SCARA3: variants seen among roughly 807,000 people sequenced by gnomAD.
SCARA3 encodes the protein scavenger receptor class A member 3.
SCARA3 carries 39 observed loss-of-function variants against 47.0 expected under a neutral mutation model. The ratio of observed to expected loss-of-function variants is 0.83; its 90% CI spans 0.64 to 1.08. The LOEUF (loss-of-function observed/expected upper bound fraction) is 1.08. Among genes scored for constraint, SCARA3 ranks in the 50% least tolerant of loss-of-function variants. The probability of loss-of-function intolerance (pLI) is 0.00; values close to 1 mark genes in which losing one functional copy is unlikely to be tolerated. For missense variants in SCARA3, 724 were observed against 792.3 expected (o/e 0.91, Z 1.04); for synonymous variants, 356 against 334.1 (o/e 1.07, Z -0.71).
At chr8:27,636,338 G>A (rs971821485) in intron 1 of SCARA3, among the ~76,000 whole-genome samples, 1 of 152,188 alleles carries the variant, frequency 6.6e-6, no homozygotes, top group Admixed American at 6.5e-5. Flanking sequence ...TCCGGAGCCC[G>A]AGGAGGGAGG....
At chr8:27,635,032 A>G (rs182798352) in intron 1 of SCARA3, among the ~76,000 whole-genome samples, 19 of 152,276 alleles carry the variant, frequency 1.2e-4, no homozygotes, top group Admixed American at 1.2e-3. Flanking sequence ...ATCCTCCTGT[A>G]ACACCCCCAG....
the SCARA3 span, among the ~76,000 whole-genome samples, chr8:27,721,334 C>T: frequency 6.6e-6 from 1 of 152,180 alleles, no homozygotes; most frequent in Non-Finnish European, 1.5e-5. Context: ...TGAGTACCTA[C>T]TATGAACCGG....
the SCARA3 span, among the ~76,000 whole-genome samples, chr8:27,715,243 G>T: frequency 6.6e-6 from 1 of 151,924 alleles, no homozygotes; most frequent in South Asian, 2.1e-4. The surrounding 1 kb of genome is among the most constrained non-coding windows in gnomAD (Gnocchi z 4.2). Context: ...TTTATTGAAG[G>T]CTCTAAGTCC....
chr8:27,723,462 C>T, the SCARA3 span, among the ~76,000 whole-genome samples: 1 of 152,298 alleles, frequency 6.6e-6, no homozygotes. Context: ...CAATCTTTCC[C>T]CTTCATCCTT....
intron 1 of SCARA3, among the ~76,000 whole-genome samples, chr8:27,645,529 T>A (rs1436238165): frequency 6.6e-6 from 1 of 152,266 alleles, no homozygotes; most frequent in Non-Finnish European, 1.5e-5. Flanking sequence ...AAATGCGTGT[T>A]TGGATTCTGC....
chr8:27,637,011 C>T (rs1212989250), intron 1 of SCARA3, among the ~76,000 whole-genome samples: 1 of 152,354 alleles, frequency 6.6e-6, no homozygotes, highest in Non-Finnish European at 1.5e-5. Context: ...CACCAAACTT[C>T]GAATTACATC....
chr8:27,636,181 A>G (rs1801245413), intron 1 of SCARA3, among the ~76,000 whole-genome samples: 1 of 152,234 alleles, frequency 6.6e-6, no homozygotes, highest in African/African-American at 2.4e-5. Flanking sequence ...GCCTCCAGAA[A>G]GGTCTTGGAC....
chr8:27,659,235 T>C lies in SCARA3; in HGVS notation c.1065T>C (p.Ile355=). The change falls in exon 5 of 6, where the codon ATT becomes ATC. Residue 355 remains isoleucine (I), a synonymous_variant. Transcript: ENST00000301904. ...AAGGACGCATGGCTTCTCACGAGAT[T>C]GAAATTGGCACCATCTTCACCAACA... ...SLEGRMASHE[I]EIGTIFTNIN... 1 of 1,614,130 alleles carries C rather than the reference T, an allele frequency of 6.2e-7. No individual in the cohort carries two copies. The highest frequency in any genetic ancestry group is 8.5e-7 in the Non-Finnish European group (1 of 1,180,020).
the SCARA3 span, among the ~76,000 whole-genome samples, chr8:27,722,271 G>A: frequency 6.6e-6 from 1 of 151,968 alleles, no homozygotes; most frequent in Non-Finnish European, 1.5e-5. Flanking sequence ...TGCAAGTATT[G>A]TGCAAATGGA....
rs1380948708 is a variant in SCARA3, at chr8:27,672,151, C to G, written c.*800C>G. 1.0e-6 allele frequency: 1 copy of G among 985,368 alleles called. No homozygotes were observed. The highest frequency in any genetic ancestry group is 1.7e-5 in the African/African-American group (1 of 57,248). 61.0% of individuals were successfully genotyped at this position (985,368 alleles called of 1,614,324 possible). A position where few individuals can be genotyped will look rare whatever the true frequency, so the allele number is the denominator to read the frequency against. ...CGGGAGCTGTCCCTGTCTGTCACAGCACAGTGGGGCCACGAGGCTGACATT... is the reference window on the plus strand; with the variant it reads ...CGGGAGCTGTCCCTGTCTGTCACAGGACAGTGGGGCCACGAGGCTGACATT... On this transcript the variant is annotated 3_prime_UTR_variant, in exon 6 of 6. Coordinates refer to ENST00000301904, the MANE Select transcript of SCARA3 (RefSeq NM_016240.3).
chr8:27,718,121 T>C, the SCARA3 span, among the ~76,000 whole-genome samples: 1 of 152,260 alleles, frequency 6.6e-6, no homozygotes. Flanking sequence ...CCCAGAATGC[T>C]TCTCTACAAC....
intron 5 of SCARA3, among the ~76,000 whole-genome samples, chr8:27,666,801 G>A (rs955462431): frequency 6.6e-6 from 1 of 152,096 alleles, no homozygotes. Context: ...CGAGACACTG[G>A]GCACTCTGCT....
chr8:27,676,692 A>G (rs1345588375), downstream of SCARA3: 9 of 752,126 alleles, frequency 1.2e-5, no homozygotes, highest in Admixed American at 2.1e-5. Context: ...CACCTTAAGC[A>G]CATATTATGC....
At chr8:27,646,179 G>C (rs1585276173) in intron 1 of SCARA3, among the ~76,000 whole-genome samples, 1 of 152,268 alleles carries the variant, frequency 6.6e-6, no homozygotes, top group Non-Finnish European at 1.5e-5. Context: ...TTATGGAGCT[G>C]AGATGTCAGT....
Position 27,658,596 on chromosome 8 carries a change from G to A in SCARA3, c.426G>A (p.Leu142=), listed in dbSNP as rs1306615536. The A allele has an allele frequency of 6.2e-7, 1 of 1,614,068 alleles. No homozygotes were observed. The highest frequency in any genetic ancestry group is 2.2e-5 in the East Asian group (1 of 44,886). Residue 142 remains leucine (L), a synonymous_variant, in exon 5 of 6, where the codon CTG becomes CTA. Transcript: ENST00000301904. ...AGGAGCTGGAGGGAATTCAGAAGCTGCTTCTGGCCCAGGAGGTGCAGCTGG... is the reference window on the plus strand; with the variant it reads ...AGGAGCTGGAGGGAATTCAGAAGCTACTTCTGGCCCAGGAGGTGCAGCTGG... The part of the protein sequence containing the change: ...LQEELEGIQK[L]LLAQEVQLDQ...
the SCARA3 span, among the ~76,000 whole-genome samples, chr8:27,694,260 G>A: frequency 6.6e-6 from 1 of 152,130 alleles, no homozygotes; most frequent in Non-Finnish European, 1.5e-5. Context: ...TACATAAAGA[G>A]TATATTTTAT....
the SCARA3 span, among the ~76,000 whole-genome samples, chr8:27,713,921 G>A: frequency 6.6e-6 from 1 of 152,174 alleles, no homozygotes; most frequent in Non-Finnish European, 1.5e-5. Flanking sequence ...CATGGGGGCA[G>A]CTCCCTCATG....
the SCARA3 span, among the ~76,000 whole-genome samples, chr8:27,685,738 G>T: frequency 6.6e-6 from 1 of 152,212 alleles, no homozygotes; most frequent in East Asian, 1.9e-4. Context: ...AAGTTGATTT[G>T]TCAAAAAAAG....
intron 1 of SCARA3, among the ~76,000 whole-genome samples, chr8:27,646,247 C>G (rs144712968): frequency 6.6e-6 from 1 of 152,146 alleles, no homozygotes; most frequent in South Asian, 2.1e-4. Context: ...CCAAGATCTT[C>G]GCTGGCAGCC....
Sources: allele counts gnomAD v4.1 joint callset (sites outside exome capture counted in the v4.1 genomes callset), GRCh38; gene constraint gnomAD v4.1.1; non-coding constraint Gnocchi (gnomAD v3.1); transcripts MANE v1.5; gene names NCBI Gene and HGNC (gene_info 2026-07-23, HGNC 2026-07-21).